The following GRIP1 variants were observed in gnomAD, a reference collection of about 807,000 sequenced individuals.
GRIP1 encodes glutamate receptor interacting protein 1, also known as glutamate receptor-interacting protein 1.
A neutral mutation model predicts 129.9 loss-of-function variants in GRIP1; 45 were observed. The ratio of observed to expected loss-of-function variants is 0.35; its 90% CI spans 0.27 to 0.44. The LOEUF is 0.44. Among genes scored for constraint, GRIP1 ranks in the 20% least tolerant of loss-of-function variants. GRIP1 has a pLI of 1.00. For synonymous variants in GRIP1, 530 were observed against 520.8 expected (o/e 1.02, Z -0.24); for missense variants, 1,196 against 1,396.8 (o/e 0.86, Z 2.29).
chr12:66,855,834 T>C (rs1158795421), intron 1 of GRIP1, among the ~76,000 whole-genome samples: 1 of 152,096 alleles, frequency 6.6e-6, no homozygotes, highest in Non-Finnish European at 1.5e-5. Context: ...TATTCTTTTA[T>C]TGTTCCTATA....
At chr12:66,352,988 C>G (rs2054308648) in intron 24 of GRIP1, among the ~76,000 whole-genome samples, 1 of 152,060 alleles carries the variant, frequency 6.6e-6, no homozygotes, top group African/African-American at 2.4e-5. Context: ...AATGAAGAGG[C>G]AAGACAAGAT....
intron 23 of GRIP1, among the ~76,000 whole-genome samples, chr12:66,353,934 A>G (rs961708353): frequency 3.9e-5 from 6 of 152,104 alleles, no homozygotes; most frequent in African/African-American, 1.4e-4. Flanking sequence ...AACTGCTGAG[A>G]TGTTGGGGAA....
intron 1 of GRIP1, among the ~76,000 whole-genome samples, chr12:67,024,459 G>A (rs956429809): frequency 6.6e-6 from 1 of 152,094 alleles, no homozygotes; most frequent in East Asian, 1.9e-4. Context: ...GAAAGAGGGG[G>A]AAACCCGGGC....
intron 7 of GRIP1, among the ~76,000 whole-genome samples, chr12:66,493,743 T>C (rs2060165114): frequency 6.6e-6 from 1 of 152,236 alleles, no homozygotes; most frequent in African/African-American, 2.4e-5. Flanking sequence ...GTTAACAGAT[T>C]GTTTCATTTT....
At chr12:66,645,701 A>C (rs1408528831) in intron 1 of GRIP1, among the ~76,000 whole-genome samples, 1 of 152,224 alleles carries the variant, frequency 6.6e-6, no homozygotes, top group Non-Finnish European at 1.5e-5. Flanking sequence ...ATAAATTTCA[A>C]GATAATTATT....
intron 1 of GRIP1, among the ~76,000 whole-genome samples, chr12:66,884,346 A>C (rs1466443277): frequency 6.6e-6 from 1 of 152,168 alleles, no homozygotes; most frequent in Admixed American, 6.5e-5. Flanking sequence ...TCTAATAATT[A>C]TGTAAAGCGT....
chr12:66,519,044 G>T (rs2060925985), intron 5 of GRIP1, among the ~76,000 whole-genome samples: 1 of 150,432 alleles, frequency 6.6e-6, no homozygotes, highest in Non-Finnish European at 1.5e-5. Flanking sequence ...TAAACCTATT[G>T]TCAATTATTG....
At chr12:66,797,436 C>A (rs1410725496) in intron 1 of GRIP1, among the ~76,000 whole-genome samples, 1 of 152,080 alleles carries the variant, frequency 6.6e-6, no homozygotes, top group African/African-American at 2.4e-5. Context: ...GTCTTCAGCA[C>A]TCTCCACTGG....
intron 7 of GRIP1, among the ~76,000 whole-genome samples, chr12:66,512,001 T>C (rs2060713346): frequency 1.3e-5 from 2 of 152,078 alleles, no homozygotes; most frequent in Admixed American, 1.3e-4. Flanking sequence ...GTGAGTGAGT[T>C]CTCACAAGAT....
In GRIP1 at chr12:66,444,564, C is replaced by T. The variant is rs1382213890; in HGVS notation, c.1687+20G>A. On this transcript the variant is annotated intron_variant, in intron 13 of 24. Transcript: ENST00000359742. ...AATATAACTCACATGCAGTCCACTC[C>T]TGAGATGATATGATTATACCTGCAA... 5 of 1,603,976 alleles carry T rather than the reference C, an allele frequency of 3.1e-6. No homozygotes were observed. Among genetic ancestry groups the T allele is most frequent in the African/African-American group, 2.7e-5 (2 of 73,950 alleles).
chr12:66,859,984 G>A (rs2040083125), intron 1 of GRIP1, among the ~76,000 whole-genome samples: 1 of 152,042 alleles, frequency 6.6e-6, no homozygotes, highest in South Asian at 2.1e-4. Flanking sequence ...GCATCCTGAT[G>A]TAGAAACTCA....
intron 1 of GRIP1, among the ~76,000 whole-genome samples, chr12:66,703,996 T>C (rs1297731311): frequency 1.3e-5 from 2 of 151,894 alleles, no homozygotes; most frequent in Non-Finnish European, 1.5e-5. Context: ...GACAAAGGTA[T>C]GAGAAGGTAC....
chr12:66,533,990 G>T (rs373888320), intron 4 of GRIP1, among the ~76,000 whole-genome samples: 4 of 151,986 alleles, frequency 2.6e-5, no homozygotes, highest in East Asian at 1.9e-4. Context: ...GCCTTGGGTC[G>T]CTTGTCTTTT....
chr12:66,379,681 G>A lies in GRIP1; in HGVS notation c.2465-245C>T, dbSNP rs541851460. Among the ~76,000 whole-genome samples the A allele has an allele frequency of 5.3e-5, 8 of 152,200 alleles. No homozygotes were observed. The East Asian group carries it at 1.2e-3, about 22-fold the overall frequency. ...ATTTGCATTTTACAGATGAGGACAC[G>A]GACGGCTTAGAACAGTGGTTTCAAG... On this transcript the variant is annotated intron_variant, in intron 19 of 24. Transcript: ENST00000359742.
chr12:66,353,173 A>T (rs761504125), intron 24 of GRIP1, among the ~76,000 whole-genome samples: 1 of 152,180 alleles, frequency 6.6e-6, no homozygotes, highest in Non-Finnish European at 1.5e-5. Flanking sequence ...GAGATTGGGA[A>T]AGATGGCTCT....
intron 1 of GRIP1, among the ~76,000 whole-genome samples, chr12:66,750,886 T>A (rs1821480176): frequency 1.3e-5 from 2 of 152,192 alleles, no homozygotes; most frequent in Non-Finnish European, 2.9e-5. Context: ...TATTTACATG[T>A]GATCATTAAA....
At chr12:67,023,843 G>A (rs2042902479) in intron 1 of GRIP1, among the ~76,000 whole-genome samples, 1 of 152,138 alleles carries the variant, frequency 6.6e-6, no homozygotes, top group African/African-American at 2.4e-5. Flanking sequence ...TCTCCTGCCA[G>A]TATATGTTTC....
At chr12:66,618,924 C>A (rs1276604562) in intron 1 of GRIP1, among the ~76,000 whole-genome samples, 1 of 151,958 alleles carries the variant, frequency 6.6e-6, no homozygotes, top group Non-Finnish European at 1.5e-5. Flanking sequence ...ATTTATTTAT[C>A]GTAGGTTTTG....
intron 1 of GRIP1, among the ~76,000 whole-genome samples, chr12:66,852,316 G>A (rs1315467927): frequency 3.3e-5 from 5 of 151,674 alleles, no homozygotes; most frequent in African/African-American, 7.3e-5. Context: ...AGATTTACTC[G>A]GTGTGCTCAG....
Sources: allele counts gnomAD v4.1 joint callset (sites outside exome capture counted in the v4.1 genomes callset), GRCh38; gene constraint gnomAD v4.1.1; transcripts MANE v1.5; gene names NCBI Gene and HGNC (gene_info 2026-07-23, HGNC 2026-07-21).